ARK2C: variants seen among roughly 807,000 people sequenced by gnomAD.
ARK2C encodes arkadia (RNF111) C-terminal like ring finger ubiquitin ligase 2C, also known as E3 ubiquitin-protein ligase ARK2C.
chr18:46,448,416 A>T, the ARK2C span, among the ~76,000 whole-genome samples: 1 of 152,192 alleles, frequency 6.6e-6, no homozygotes, highest in Non-Finnish European at 1.5e-5. Context: ...TGAGGGGAGT[A>T]GGAGTGGGCA....
chr18:46,376,353 A>G, the ARK2C span, among the ~76,000 whole-genome samples: 10 of 152,252 alleles, frequency 6.6e-5, no homozygotes, highest in Non-Finnish European at 1.5e-4. Flanking sequence ...GTGGTTAAGG[A>G]GCATGGCCAG....
At chr18:46,351,946 G>A in the ARK2C span, among the ~76,000 whole-genome samples, 1 of 152,182 alleles carries the variant, frequency 6.6e-6, no homozygotes, top group Admixed American at 6.5e-5. Context: ...GTGCATCTAC[G>A]CAGTTTTTCT....
At chr18:46,433,374 G>A in the ARK2C span, 1 of 1,613,300 alleles carries the variant, frequency 6.2e-7, no homozygotes, top group South Asian at 1.1e-5. Flanking sequence ...ACCAGTCGCT[G>A]ACCCCGCTGC....
the ARK2C span, among the ~76,000 whole-genome samples, chr18:46,357,610 C>G: frequency 6.6e-6 from 1 of 152,156 alleles, no homozygotes; most frequent in East Asian, 1.9e-4. Flanking sequence ...CAGTCCCTCT[C>G]TATCATCTCT....
At chr18:46,335,267 C>G in the ARK2C span, 21 of 152,122 alleles carry the variant, frequency 1.4e-4, no homozygotes, top group African/African-American at 5.1e-4. Flanking sequence ...CGGGCCGGCG[C>G]GGGCTTTGTT....
the ARK2C span, among the ~76,000 whole-genome samples, chr18:46,348,900 CTGTGTGTGTGTGTGTGTGTG>C: frequency 6.9e-5 from 10 of 144,694 alleles, no homozygotes; most frequent in Admixed American, 4.8e-4. Flanking sequence ...CTCTCTCTTT[CTGTGTGTGTGTGTGTGTGTG>C]TGTGTGTGTG....
At chr18:46,351,351 C>T in the ARK2C span, among the ~76,000 whole-genome samples, 37 of 152,288 alleles carry the variant, frequency 2.4e-4, no homozygotes, top group Admixed American at 1.4e-3. Context: ...CAGTTCCCTC[C>T]AGGTGCCCCT....
At chr18:46,356,855 C>G in the ARK2C span, among the ~76,000 whole-genome samples, 1 of 152,206 alleles carries the variant, frequency 6.6e-6, no homozygotes, top group Admixed American at 6.5e-5. Flanking sequence ...AGAGGCTTTA[C>G]ATTCAGGGAA....
chr18:46,423,180 G>T, the ARK2C span, among the ~76,000 whole-genome samples: 4 of 152,184 alleles, frequency 2.6e-5, no homozygotes, highest in African/African-American at 9.7e-5. Flanking sequence ...CAAAGGCCCT[G>T]GGATTTGTCT....
chr18:46,379,668 A>G, the ARK2C span, among the ~76,000 whole-genome samples: 2 of 152,198 alleles, frequency 1.3e-5, no homozygotes, highest in Admixed American at 6.5e-5. Context: ...CAACTGCGAA[A>G]GTGTGGCCTT....
the ARK2C span, among the ~76,000 whole-genome samples, chr18:46,391,902 ACAC>A: frequency 6.6e-6 from 1 of 151,660 alleles, no homozygotes; most frequent in Non-Finnish European, 1.5e-5. Flanking sequence ...CATACTACAC[ACAC>A]CAACACACAC....
the ARK2C span, among the ~76,000 whole-genome samples, chr18:46,412,771 C>T: frequency 6.6e-6 from 1 of 152,148 alleles, no homozygotes; most frequent in African/African-American, 2.4e-5. Context: ...GGAGATGCTG[C>T]TAACAGCCAA....
At chr18:46,379,079 TG>T in the ARK2C span, among the ~76,000 whole-genome samples, 1 of 152,170 alleles carries the variant, frequency 6.6e-6, no homozygotes, top group Non-Finnish European at 1.5e-5. Flanking sequence ...GTGTGGGTGT[TG>T]GGGGCAATGA....
At chr18:46,335,887 G>A in the ARK2C span, 2 of 984,828 alleles carry the variant, frequency 2.0e-6, no homozygotes, top group Non-Finnish European at 2.4e-6. Context: ...TCATTGTGTA[G>A]CTCAGTGAAT....
the ARK2C span, among the ~76,000 whole-genome samples, chr18:46,378,697 A>G: frequency 1.3e-5 from 2 of 152,166 alleles, no homozygotes; most frequent in Non-Finnish European, 2.9e-5. Flanking sequence ...ATAAATACAC[A>G]TTCTACTTAA....
the ARK2C span, among the ~76,000 whole-genome samples, chr18:46,381,830 C>CAA: frequency 9.4e-3 from 1,383 of 146,910 alleles, 24 homozygotes; most frequent in Admixed American, 0.042. Context: ...GACCCTGTCT[C>CAA]AAAAAAAAAA....
At chr18:46,397,720 GGTGT>G in the ARK2C span, among the ~76,000 whole-genome samples, 1 of 127,382 alleles carries the variant, frequency 7.9e-6, no homozygotes, top group Non-Finnish European at 1.6e-5. Flanking sequence ...GTGTGCATGT[GGTGT>G]GTGTGTGTGA....
the ARK2C span, among the ~76,000 whole-genome samples, chr18:46,383,177 G>A: frequency 6.6e-6 from 1 of 152,250 alleles, no homozygotes; most frequent in Admixed American, 6.5e-5. Flanking sequence ...TTCCAAAAAG[G>A]GAGATGCCGT....
chr18:46,442,102 G>C, the ARK2C span, among the ~76,000 whole-genome samples: 14 of 150,302 alleles, frequency 9.3e-5, no homozygotes, highest in Non-Finnish European at 2.1e-4. Context: ...GGCGGAGCTT[G>C]CAGTGAGTCG....
Sources: gnomAD v4.1 joint callset for allele counts (sites outside exome capture counted in the v4.1 genomes callset) on GRCh38, gnomAD v4.1.1 for gene constraint, MANE v1.5 for transcripts, NCBI Gene and HGNC (gene_info 2026-07-23, HGNC 2026-07-21) for gene names.